CENPC: variants seen among roughly 807,000 people sequenced by gnomAD.
CENPC encodes CENP-C 1.
In CENPC, 63 loss-of-function variants were observed where a neutral mutation model predicts 112.1. The observed-to-expected ratio is 0.56, with a 90% CI of 0.46 to 0.69. The LOEUF (loss-of-function observed/expected upper bound fraction) is 0.69. Among genes scored for constraint, CENPC ranks in the 30% least tolerant of loss-of-function variants. The pLI, the probability that CENPC is intolerant of heterozygous loss-of-function variation, is 0.00. For synonymous variants in CENPC, 333 were observed against 367.6 expected, an observed-to-expected ratio of 0.91 and a Z score of 1.08; for missense variants, 1,000 against 1,103.8, an observed-to-expected ratio of 0.91 and a Z score of 1.33.
At chr4:67,520,848 C>T (rs147356288) in intron 5 of CENPC, among the ~76,000 whole-genome samples, 1,686 of 152,064 alleles carry the variant, frequency 0.011, 27 homozygotes, top group African/African-American at 0.038. Context: ...CCCATCTCTA[C>T]TAAAAATACA....
rs533996198 is a variant in CENPC at position 67,491,309 on chromosome 4, G to A, written c.2515+871C>T. 3.6e-4 allele frequency among the ~76,000 whole-genome samples: 54 copies of A among 150,680 alleles called. No homozygotes were observed. The South Asian group carries it at 0.011, about 30-fold the overall frequency. On this transcript the variant is annotated intron_variant, in intron 16 of 18. Transcript: ENST00000273853. The stretch of plus-strand genomic sequence containing the variant: ...CTGTCCCAGCCTCCCAAGCAGCTGG[G>A]ACTACAAGCACCCACCACCACGCCC...
chr4:67,526,209 C>T (rs774644469), intron 5 of CENPC, among the ~76,000 whole-genome samples: 14 of 152,036 alleles, frequency 9.2e-5, no homozygotes, highest in Middle Eastern at 6.8e-3. Context: ...AGGACAAACA[C>T]CTAACTCATG....
At chr4:67,512,692 T>C (rs953406829) in intron 8 of CENPC, 123 bp from the exon 9 acceptor site, 15 of 633,182 alleles carry the variant, frequency 2.4e-5, no homozygotes, top group Non-Finnish European at 3.5e-5. Context: ...GGCCTTTTCA[T>C]CTCCATTTTT....
At chr4:67,518,073 T>A in intron 7 of CENPC, 83 bp downstream of exon 7, 1 of 714,684 alleles carries the variant, frequency 1.4e-6, no homozygotes, top group Middle Eastern at 4.4e-4. Flanking sequence ...TATTTCTAAG[T>A]TAAATAGCAT....
At chr4:67,474,771 A>C in intron 18 of CENPC, 117 bp downstream of exon 18, 1 of 681,652 alleles carries the variant, frequency 1.5e-6, no homozygotes, top group South Asian at 1.7e-5. Context: ...ATATGTACCA[A>C]ACTGTTCTGA....
chr4:67,493,166 C>G (rs1725331068), intron 14 of CENPC, among the ~76,000 whole-genome samples, 169 bp from the exon 15 acceptor site: 1 of 151,884 alleles, frequency 6.6e-6, no homozygotes, highest in African/African-American at 2.4e-5. Context: ...ATCTCTACCA[C>G]CCTAAATCAG....
chr4:67,508,702 G>T, intron 10 of CENPC, 112 bp downstream of exon 10: 1 of 931,726 alleles, frequency 1.1e-6, no homozygotes, highest in Non-Finnish European at 1.6e-6. Context: ...AGGTATGTCA[G>T]AGTGCAGAGC....
chr4:67,510,734 A>G (rs1206256476), intron 9 of CENPC: 1 of 293,210 alleles, frequency 3.4e-6, no homozygotes, highest in Non-Finnish European at 6.7e-6. Flanking sequence ...GAAGGGCAAC[A>G]GTGTCACACG....
At chr4:67,482,450 G>A (rs1017187376) in intron 17 of CENPC, among the ~76,000 whole-genome samples, 4 of 152,176 alleles carry the variant, frequency 2.6e-5, no homozygotes, top group East Asian at 1.9e-4. Flanking sequence ...ACTTGCACAC[G>A]TACATTTATA....
intron 5 of CENPC, among the ~76,000 whole-genome samples, chr4:67,519,808 A>G (rs1323508808): frequency 1.3e-5 from 2 of 152,220 alleles, no homozygotes; most frequent in African/African-American, 4.8e-5. Flanking sequence ...TACACAGTAT[A>G]TATGTATATG....
At chr4:67,525,950 AG>A (rs1578001148) in intron 5 of CENPC, among the ~76,000 whole-genome samples, 1 of 152,246 alleles carries the variant, frequency 6.6e-6, no homozygotes, top group East Asian at 1.9e-4. Context: ...GACTGGATAA[AG>A]AAAATGTGAC....
chr4:67,489,997 CT>C lies in CENPC; in HGVS notation c.2639del (p.Lys880ArgfsTer31). ...TATCCTGGCCAACATGCTGCTTTCC[CT>C]TTTCTTCTTGTGGTCCTAATATCAA... ...GKLILGPQEEKGKQHVGQDIL... is the reference protein window; with the variant it reads ...GKLILGPQEEXGKQHVGQDIL... On this transcript the variant is annotated frameshift_variant, in exon 17 of 19. Coordinates refer to ENST00000273853, the MANE Select transcript of CENPC (RefSeq NM_001812.4). LOFTEE classifies it high-confidence loss of function. 1.9e-6 allele frequency: 3 copies of C among 1,593,832 alleles called. No individual in the cohort carries two copies. Among genetic ancestry groups the C allele is most frequent in the South Asian group, 2.3e-5 (2 of 87,724 alleles).
chr4:67,493,031 G>A, intron 14 of CENPC, 34 bp from the exon 15 acceptor site: 2 of 1,470,698 alleles, frequency 1.4e-6, no homozygotes, highest in Non-Finnish European at 9.0e-7. Flanking sequence ...AATATACATG[G>A]GAAAGACAAA....
intron 4 of CENPC, among the ~76,000 whole-genome samples, chr4:67,539,411 T>C (rs551058598): frequency 2.0e-5 from 3 of 152,168 alleles, no homozygotes; most frequent in Non-Finnish European, 4.4e-5. Context: ...CTTAGTATAG[T>C]TAAGTCAACC....
In CENPC at chr4:67,545,419, G is replaced by A; in HGVS notation, c.-64C>T. The A allele has an allele frequency of 1.4e-6, 2 of 1,440,718 alleles. No individual in the cohort carries two copies. The highest frequency in any genetic ancestry group is 9.2e-7 in the Non-Finnish European group (1 of 1,090,208). 89.2% of individuals were successfully genotyped at this position (1,440,718 alleles called of 1,614,324 possible). ...GAAGCCCACACGGACCACAGCTCCA[G>A]GAAGCCGAGCAAGAAACGAATCGCC... On this transcript the variant is annotated 5_prime_UTR_variant, in exon 1 of 19. Transcript: ENST00000273853.
chr4:67,469,592 C>T lies in CENPC; in HGVS notation c.*3013G>A, dbSNP rs1362649013. 1 of 152,460 alleles carries T rather than the reference C, an allele frequency of 6.6e-6. No homozygotes were observed. The highest frequency in any genetic ancestry group is 2.4e-5 in the African/African-American group (1 of 41,454). The allele number at this position is 152,460 out of a possible 1,614,324, so 9.4% of individuals were successfully genotyped here. A position where few individuals can be genotyped will look rare whatever the true frequency, so the allele number is the denominator to read the frequency against. ...ACTCCTGACCTCATGATCCACCCGA[C>T]TTAGCCTCCCAAAGTGTTGGGATTA... is the stretch of plus-strand genomic sequence containing the variant. On this transcript the variant is annotated 3_prime_UTR_variant, in exon 19 of 19. Coordinates refer to ENST00000273853, the MANE Select transcript of CENPC (RefSeq NM_001812.4).
At chr4:67,527,352 T>C (rs1301739815) in intron 5 of CENPC, among the ~76,000 whole-genome samples, 1 of 152,126 alleles carries the variant, frequency 6.6e-6, no homozygotes, top group East Asian at 1.9e-4. Context: ...TTACCTATGA[T>C]TAAAAATTCT....
chr4:67,511,432 T>A (rs1409926577), intron 9 of CENPC, among the ~76,000 whole-genome samples: 1 of 152,130 alleles, frequency 6.6e-6, no homozygotes, highest in Non-Finnish European at 1.5e-5. Flanking sequence ...TCACTTTCTT[T>A]AAAAAGGGAC....
At chr4:67,535,943 TA>T (rs1368908627) in intron 4 of CENPC, among the ~76,000 whole-genome samples, 1 of 152,192 alleles carries the variant, frequency 6.6e-6, no homozygotes, top group African/African-American at 2.4e-5. Flanking sequence ...TGGGGTCTAC[TA>T]TTTTTTTGTG....
Sources: allele counts gnomAD v4.1 joint callset (sites outside exome capture counted in the v4.1 genomes callset), GRCh38; gene constraint gnomAD v4.1.1; transcripts MANE v1.5; gene names NCBI Gene and HGNC (gene_info 2026-07-23, HGNC 2026-07-21).